The following NSG2 variants were observed in gnomAD, a reference collection of about 807,000 sequenced individuals.
NSG2 encodes neuronal vesicle trafficking associated 2, also known as neuronal vesicle trafficking-associated protein 2.
A neutral mutation model predicts 16.9 loss-of-function variants in NSG2; 4 were observed. The ratio of observed to expected loss-of-function variants is 0.24; its 90% CI spans 0.12 to 0.54. NSG2 has a LOEUF of 0.54. Among genes scored for constraint, NSG2 ranks in the 20% least tolerant of loss-of-function variants. The pLI is 0.95. For synonymous variants in NSG2, 98 were observed against 88.7 expected (o/e 1.11, Z -0.59); for missense variants, 179 against 221.1 (o/e 0.81, Z 1.21).
intron 3 of NSG2, among the ~76,000 whole-genome samples, chr5:174,070,197 T>A (rs1259802986): frequency 1.3e-5 from 2 of 152,158 alleles, no homozygotes; most frequent in Non-Finnish European, 2.9e-5. Context: ...TGGTCATTTT[T>A]TTCGTGGGCT....
intron 3 of NSG2, among the ~76,000 whole-genome samples, chr5:174,102,491 T>C (rs1386116456): frequency 6.6e-6 from 1 of 152,186 alleles, no homozygotes; most frequent in Non-Finnish European, 1.5e-5. Flanking sequence ...CAAATTCTGC[T>C]TGTAATATTA....
At chr5:174,053,563 A>T (rs1759924831) in intron 2 of NSG2, among the ~76,000 whole-genome samples, 1 of 152,084 alleles carries the variant, frequency 6.6e-6, no homozygotes, top group African/African-American at 2.4e-5. Context: ...TTCCCCAGGG[A>T]ACAACAGAAA....
At chr5:174,070,136 C>T (rs984985672) in intron 3 of NSG2, among the ~76,000 whole-genome samples, 25 of 152,058 alleles carry the variant, frequency 1.6e-4, no homozygotes, top group African/African-American at 6.0e-4. Flanking sequence ...ATCCTCCTGC[C>T]TCGGCCTCCC....
intron 3 of NSG2, among the ~76,000 whole-genome samples, chr5:174,091,644 GGTGTGTGT>G (rs35746227): frequency 1.8e-3 from 252 of 139,664 alleles, no homozygotes; most frequent in South Asian, 0.012. Flanking sequence ...AACTAGGACT[GGTGTGTGT>G]GTGTGTGTGT....
chr5:174,100,916 G>T (rs1000580854), intron 3 of NSG2, among the ~76,000 whole-genome samples: 1 of 152,248 alleles, frequency 6.6e-6, no homozygotes, highest in Non-Finnish European at 1.5e-5. Flanking sequence ...CAGCTCCTGA[G>T]TCTCTCAAGA....
rs536722785 is a variant in NSG2 at position 174,046,359 on chromosome 5, G to C, written c.-22-375G>C. On this transcript the variant is annotated intron_variant, in intron 1 of 4. Coordinates refer to ENST00000303177, the MANE Select transcript of NSG2 (RefSeq NM_015980.5). ...GAAATTTATCATACTGCAGGCGGGG[G>C]GGGTGGTATAATAGGACTTCATTTT... Among the ~76,000 whole-genome samples the C allele has an allele frequency of 1.3e-3, 195 of 152,022 alleles. 1 individual carries two copies. Among genetic ancestry groups the C allele is most frequent in the African/African-American group, 4.2e-3 (176 of 41,422 alleles).
At chr5:174,049,326 C>G (rs1225154551) in intron 2 of NSG2, among the ~76,000 whole-genome samples, 11 of 151,888 alleles carry the variant, frequency 7.2e-5, no homozygotes, top group Non-Finnish European at 7.4e-5. Context: ...GGCGACAGAG[C>G]GAGACACTGT....
At chr5:174,097,907 A>G (rs938898344) in intron 3 of NSG2, among the ~76,000 whole-genome samples, 7 of 151,620 alleles carry the variant, frequency 4.6e-5, no homozygotes, top group African/African-American at 9.7e-5. Context: ...AATTCAACTC[A>G]ACACTGCAGG....
intron 3 of NSG2, among the ~76,000 whole-genome samples, chr5:174,096,287 G>T (rs949930932): frequency 1.3e-5 from 2 of 152,196 alleles, no homozygotes; most frequent in African/African-American, 2.4e-5. Context: ...ATCAGACAGC[G>T]TAGCGGCTCA....
At chr5:174,077,976 A>G (rs1248192889) in intron 3 of NSG2, among the ~76,000 whole-genome samples, 1 of 152,184 alleles carries the variant, frequency 6.6e-6, no homozygotes, top group Non-Finnish European at 1.5e-5. Context: ...CTCACAAAAA[A>G]TATCTGTTGT....
intron 1 of NSG2, 117 bp from the exon 2 acceptor site, chr5:174,046,617 C>A (rs2113412910): frequency 3.8e-6 from 3 of 794,422 alleles, no homozygotes; most frequent in East Asian, 5.1e-5. Flanking sequence ...AATGACTGAT[C>A]ACTAGATTGA....
intron 2 of NSG2, chr5:174,056,347 GC>G (rs1759967764): frequency 6.6e-6 from 1 of 152,248 alleles, no homozygotes; most frequent in Non-Finnish European, 1.5e-5. Flanking sequence ...TTGGCACAGT[GC>G]CAGGCACATA....
intron 2 of NSG2, among the ~76,000 whole-genome samples, chr5:174,054,987 A>G (rs964355365): frequency 4.6e-5 from 7 of 152,240 alleles, no homozygotes; most frequent in African/African-American, 1.7e-4. Flanking sequence ...CATAGTGTCT[A>G]GTACGTAGTA....
chr5:174,056,855 A>G (rs937283999), intron 2 of NSG2, among the ~76,000 whole-genome samples: 1 of 152,186 alleles, frequency 6.6e-6, no homozygotes, highest in African/African-American at 2.4e-5. Context: ...GGGAAGTAGT[A>G]TTTTAAATTT....
intron 3 of NSG2, among the ~76,000 whole-genome samples, chr5:174,092,940 G>A (rs187269547): frequency 4.6e-5 from 7 of 152,178 alleles, no homozygotes; most frequent in Admixed American, 2.0e-4. Flanking sequence ...AACATATGGG[G>A]GATTGATGGC....
At position 174,107,559 on chromosome 5, in the gene NSG2, C is replaced by A; in HGVS notation, c.*54C>A. The A allele has an allele frequency of 7.5e-7, 1 of 1,326,054 alleles. No homozygotes were observed. The highest frequency in any genetic ancestry group is 1.0e-6 in the Non-Finnish European group (1 of 987,484). 82.1% of individuals were successfully genotyped at this position (1,326,054 alleles called of 1,614,324 possible). On this transcript the variant is annotated 3_prime_UTR_variant, in exon 5 of 5. Coordinates refer to ENST00000303177, the MANE Select transcript of NSG2 (RefSeq NM_015980.5). The surrounding 1 kb of genome is among the most constrained non-coding windows in gnomAD (Gnocchi z 4.5). Reference sequence around the variant, plus strand: ...GGGTGGAGAGGAGGACCCCCATTGGCTAAGCCAAGCTCCAGTTACAAGACA... The same window carrying A: ...GGGTGGAGAGGAGGACCCCCATTGGATAAGCCAAGCTCCAGTTACAAGACA...
At position 174,104,385 on chromosome 5, in the gene NSG2, A is replaced by AG; in HGVS notation, c.324+50dup. 3 of 1,334,116 alleles carry AG rather than the reference A, an allele frequency of 2.2e-6. No individual in the cohort carries two copies. The African/African-American group carries it at 4.3e-5, about 19-fold the overall frequency. 82.6% of individuals were successfully genotyped at this position (1,334,116 alleles called of 1,614,324 possible). ...CCAGGTCACTATCAAATTCAGTTAGAGGGTTGATCAATGTCTTCTCTTCAC... is the reference window on the plus strand; with the variant it reads ...CCAGGTCACTATCAAATTCAGTTAGAGGGGTTGATCAATGTCTTCTCTTCAC... On this transcript the variant is annotated intron_variant, in intron 4 of 4. Transcript: ENST00000303177.
chr5:174,046,959 A>AC lies in NSG2; in HGVS notation c.129+81dup. On this transcript the variant is annotated intron_variant, in intron 2 of 4. Coordinates refer to ENST00000303177, the MANE Select transcript of NSG2 (RefSeq NM_015980.5). ...AGGAAATAAAGCAGCAAAAAATTCC[A>AC]CCCCCCAAATCCTTTCATTCTCTTA... The AC allele has an allele frequency of 2.7e-6, 4 of 1,496,948 alleles. No homozygotes were observed. The South Asian group carries it at 3.6e-5, about 13-fold the overall frequency. 92.7% of individuals were successfully genotyped at this position (1,496,948 alleles called of 1,614,324 possible). A position where few individuals can be genotyped will look rare whatever the true frequency, so the allele number is the denominator to read the frequency against.
intron 3 of NSG2, among the ~76,000 whole-genome samples, chr5:174,068,640 T>G (rs1032087383): frequency 6.6e-6 from 1 of 151,288 alleles, no homozygotes; most frequent in African/African-American, 2.4e-5. Context: ...CTATGGAAGG[T>G]GCTGGTGCTA....
Sources: gnomAD v4.1 joint callset for allele counts (sites outside exome capture counted in the v4.1 genomes callset) on GRCh38, gnomAD v4.1.1 for gene constraint, Gnocchi (gnomAD v3.1) non-coding constraint, MANE v1.5 for transcripts, NCBI Gene and HGNC (gene_info 2026-07-23, HGNC 2026-07-21) for gene names.